The following KIF11 variants were observed in gnomAD, a reference collection of about 807,000 sequenced individuals.
The protein encoded by KIF11 is kinesin family member 11, also known as kinesin-like protein KIF11.
KIF11 carries 9 observed loss-of-function variants against 121.0 expected under a neutral mutation model. The ratio of observed to expected loss-of-function variants is 0.07; its 90% CI spans 0.04 to 0.13. The LOEUF is 0.13. Ranked by LOEUF, KIF11 falls within the 10% of genes least tolerant of loss-of-function variation. The pLI is 1.00. For missense variants in KIF11, 846 were observed against 1,217.5 expected, an observed-to-expected ratio of 0.69 and a Z score of 4.54; for synonymous variants, 408 against 421.0, an observed-to-expected ratio of 0.97 and a Z score of 0.38.
chr10:92,649,098 A>G (rs2135925247), intron 19 of KIF11, among the ~76,000 whole-genome samples: 1 of 151,952 alleles, frequency 6.6e-6, no homozygotes, highest in Middle Eastern at 3.4e-3. Flanking sequence ...GTTTTATGGT[A>G]TGTAAATTAT....
intron 13 of KIF11, among the ~76,000 whole-genome samples, chr10:92,633,016 T>A (rs1405215446): frequency 6.6e-6 from 1 of 152,178 alleles, no homozygotes; most frequent in African/African-American, 2.4e-5. Context: ...ATTGTTAAAT[T>A]TCTTGGGCCT....
chr10:92,593,835 T>C (rs1181443723), intron 1 of KIF11, among the ~76,000 whole-genome samples: 2 of 152,244 alleles, frequency 1.3e-5, no homozygotes, highest in Admixed American at 1.3e-4. Flanking sequence ...ATCACTGTTC[T>C]CTTTATTCTA....
intron 1 of KIF11, among the ~76,000 whole-genome samples, chr10:92,601,355 C>CAT (rs1002424874): frequency 2.0e-5 from 3 of 151,950 alleles, no homozygotes; most frequent in Non-Finnish European, 4.4e-5. Flanking sequence ...CATGTGCCAC[C>CAT]ATAAACAGCT....
chr10:92,604,411 G>C (rs1844408231), intron 1 of KIF11, among the ~76,000 whole-genome samples: 1 of 152,176 alleles, frequency 6.6e-6, no homozygotes, highest in Admixed American at 6.6e-5. Flanking sequence ...CCACATGAGA[G>C]CAATTCACTC....
chr10:92,611,701 C>A (rs746858871), intron 6 of KIF11, among the ~76,000 whole-genome samples: 51 of 152,130 alleles, frequency 3.4e-4, no homozygotes, highest in Non-Finnish European at 6.2e-4. Flanking sequence ...GAGTTCAAGA[C>A]CAGCCTGGCC....
chr10:92,600,083 G>A (rs1029527397), intron 1 of KIF11, among the ~76,000 whole-genome samples: 1 of 150,956 alleles, frequency 6.6e-6, no homozygotes, highest in Non-Finnish European at 1.5e-5. Flanking sequence ...TCGGCTCACT[G>A]CAACCTCCGC....
At chr10:92,606,757 A>G (rs1215291486) in intron 3 of KIF11, 41 bp downstream of exon 3, 2 of 981,716 alleles carry the variant, frequency 2.0e-6, no homozygotes, top group East Asian at 4.8e-5. Flanking sequence ...GAAAAAGCTT[A>G]AATGCTTGTG....
rs1484454770 is a variant in KIF11 at position 92,655,058 on chromosome 10, G to C, written c.*1262G>C. ...TCAAATCTTAACCCTTAGGACTCTG[G>C]TATTTTTGATCTGGCAACCATATTT... On this transcript the variant is annotated 3_prime_UTR_variant, in exon 22 of 22. Transcript: ENST00000260731. The C allele has an allele frequency of 2.0e-5, 3 of 152,586 alleles. No homozygotes were observed. The highest frequency in any genetic ancestry group is 7.2e-5 in the African/African-American group (3 of 41,430). 9.5% of individuals were successfully genotyped at this position (152,586 alleles called of 1,614,324 possible).
At chr10:92,596,848 C>A in intron 1 of KIF11, 1 of 171,576 alleles carries the variant, frequency 5.8e-6, no homozygotes, top group South Asian at 1.4e-4. Context: ...CTTTTCCTTT[C>A]TTTTTCTTTT....
intron 1 of KIF11, chr10:92,597,018 G>T (rs987580796): frequency 1.8e-5 from 7 of 396,030 alleles, no homozygotes; most frequent in Non-Finnish European, 3.1e-5. Flanking sequence ...ACCCAAATCT[G>T]TGTGTTCCTG....
At chr10:92,633,079 C>CAT (rs1017477144) in intron 13 of KIF11, among the ~76,000 whole-genome samples, 7 of 151,480 alleles carry the variant, frequency 4.6e-5, no homozygotes, top group Non-Finnish European at 1.0e-4. Flanking sequence ...TTGGGGGGGG[C>CAT]ATATATATCT....
intron 1 of KIF11, among the ~76,000 whole-genome samples, chr10:92,595,340 G>A (rs1032478249): frequency 6.6e-6 from 1 of 151,950 alleles, no homozygotes. Context: ...GATTATAGGC[G>A]TGAGCTACTG....
At chr10:92,652,382 C>T (rs191011940) in intron 21 of KIF11, among the ~76,000 whole-genome samples, 103 of 152,084 alleles carry the variant, frequency 6.8e-4, no homozygotes, top group African/African-American at 2.2e-3. Flanking sequence ...TCAGGTGATC[C>T]GCCCGCCTCG....
chr10:92,633,073 G>GT (rs1844757074), intron 13 of KIF11, among the ~76,000 whole-genome samples: 1 of 151,722 alleles, frequency 6.6e-6, no homozygotes, highest in African/African-American at 2.4e-5. Flanking sequence ...CTTTTTTTGG[G>GT]GGGGGCATAT....
In KIF11 at chr10:92,593,262, GCCAGCGC is replaced by G; in HGVS notation, c.-111_-105del. The G allele has an allele frequency of 9.2e-7, 1 of 1,086,010 alleles. No homozygotes were observed. Among genetic ancestry groups the G allele is most frequent in the African/African-American group, 1.6e-5 (1 of 62,640 alleles). The allele number at this position is 1,086,010 out of a possible 1,614,324, so 67.3% of individuals were successfully genotyped here. A position where few individuals can be genotyped will look rare whatever the true frequency, so the allele number is the denominator to read the frequency against. On this transcript the variant is annotated 5_prime_UTR_variant, in exon 1 of 22. Coordinates refer to ENST00000260731, the MANE Select transcript of KIF11 (RefSeq NM_004523.4). ...TGCGTGCGTCGGTCCTCCAGGCCACGCCAGCGCCCGAGAGGGACCAGGGAGACTCCGG... is the reference window on the plus strand; with the variant it reads ...TGCGTGCGTCGGTCCTCCAGGCCACGCCGAGAGGGACCAGGGAGACTCCGG...
intron 10 of KIF11, among the ~76,000 whole-genome samples, chr10:92,622,903 G>T (rs1446107899): frequency 6.6e-6 from 1 of 152,182 alleles, no homozygotes; most frequent in East Asian, 1.9e-4. Context: ...GAGAGAGAAA[G>T]TGAAGAGGAA....
At chr10:92,619,421 T>C (rs1844595357) in intron 9 of KIF11, among the ~76,000 whole-genome samples, 1 of 152,208 alleles carries the variant, frequency 6.6e-6, no homozygotes, top group African/African-American at 2.4e-5. Flanking sequence ...CTAATTTCAG[T>C]TTTTCTGCTA....
rs747258546 is a variant in KIF11, at chr10:92,648,230, G to A, written c.2566G>A (p.Glu856Lys). ...TTTACAGGTTGTAAGCCAATGTTGT[G>A]AGGCTTCAAGTTCAGACATCACTGA... ...NLLEVVSQCC[E>K]ASSSDITEKS... Residue 856 changes from glutamate to lysine, a missense_variant, in exon 19 of 22, where the codon GAG becomes AAG. Coordinates refer to ENST00000260731, the MANE Select transcript of KIF11 (RefSeq NM_004523.4). 6 of 1,607,554 alleles carry A rather than the reference G, an allele frequency of 3.7e-6. No individual in the cohort carries two copies. The highest frequency in any genetic ancestry group is 5.1e-6 in the Non-Finnish European group (6 of 1,176,942).
chr10:92,593,748 T>C (rs191158574), intron 1 of KIF11, among the ~76,000 whole-genome samples: 1 of 152,328 alleles, frequency 6.6e-6, no homozygotes, highest in African/African-American at 2.4e-5. Flanking sequence ...GTTTGTCAGT[T>C]TGGAAGTAAG....
Sources: allele counts gnomAD v4.1 joint callset (sites outside exome capture counted in the v4.1 genomes callset), GRCh38; gene constraint gnomAD v4.1.1; transcripts MANE v1.5; gene names NCBI Gene and HGNC (gene_info 2026-07-23, HGNC 2026-07-21).